Variants in POMT2 observed in about 807,000 individuals in gnomAD.
The protein encoded by POMT2 is protein O-mannosyl-transferase 2.
Under a neutral mutation model 100.0 loss-of-function variants are expected in POMT2, and 75 were observed. The ratio of observed to expected loss-of-function variants is 0.75; its 90% CI spans 0.62 to 0.91. The LOEUF is 0.91. POMT2 is among the 40% of genes least tolerant of loss of function. The pLI is 0.00. For missense variants in POMT2, 940 were observed against 955.1 expected, an observed-to-expected ratio of 0.98 and a Z score of 0.21; for synonymous variants, 378 against 374.1, an observed-to-expected ratio of 1.01 and a Z score of -0.12.
At chr14:77,299,239 G>A (rs1459947321) in intron 7 of POMT2, among the ~76,000 whole-genome samples, 4 of 152,172 alleles carry the variant, frequency 2.6e-5, no homozygotes, top group East Asian at 1.9e-4. Flanking sequence ...TGGCTATAAC[G>A]AAAATAGCTT....
chr14:77,320,817 C>G lies in POMT2; in HGVS notation c.-136G>C. 1 of 1,381,034 alleles carries G rather than the reference C, an allele frequency of 7.2e-7. No homozygotes were observed. Among genetic ancestry groups the G allele is most frequent in the Non-Finnish European group, 9.3e-7 (1 of 1,074,680 alleles). The allele number at this position is 1,381,034 out of a possible 1,614,324, so 85.5% of individuals were successfully genotyped here. ...CCCTTCACTGCAGCGGAGCGCGGGG[C>G]CCCGGGCTCGGGGCGGGGCGGGCAG... On this transcript the variant is annotated 5_prime_UTR_variant, in exon 1 of 21. Coordinates refer to ENST00000261534, the MANE Select transcript of POMT2 (RefSeq NM_013382.7).
At chr14:77,295,660 T>C (rs1316729329) in intron 9 of POMT2, among the ~76,000 whole-genome samples, 4 of 146,866 alleles carry the variant, frequency 2.7e-5, no homozygotes, top group South Asian at 2.2e-4. Flanking sequence ...AAGAAGAGGA[T>C]ACTGAAGCAC....
At chr14:77,311,173 T>C (rs1319189559) in intron 2 of POMT2, among the ~76,000 whole-genome samples, 1 of 152,168 alleles carries the variant, frequency 6.6e-6, no homozygotes, top group African/African-American at 2.4e-5. Context: ...TGAATTCTAA[T>C]TGGTTGAATT....
intron 9 of POMT2, 120 bp from the exon 10 acceptor site, chr14:77,291,500 C>T: frequency 7.2e-7 from 1 of 1,386,830 alleles, no homozygotes; most frequent in Non-Finnish European, 9.9e-7. Flanking sequence ...ATTTCAGAAT[C>T]CCCAGCCACC....
Position 77,288,822 on chromosome 14 carries a change from TC to T in POMT2, c.1192del (p.Asp398ThrfsTer9). ...KKHNTNSDPL[D>X]PSFPVEFVRH... ...TACAAACTCCACTGGGAAGGAAGGG[TC>T]TAGGGGATCTGCCAAAAAGAAACAA... On this transcript the variant is annotated frameshift_variant, in exon 11 of 21. Transcript: ENST00000261534. LOFTEE classifies it high-confidence loss of function. The T allele has an allele frequency of 1.9e-6, 3 of 1,613,598 alleles. No homozygotes were observed. Among genetic ancestry groups the T allele is most frequent in the Non-Finnish European group, 2.5e-6 (3 of 1,179,862 alleles).
chr14:77,302,668 T>C (rs1169601579), intron 5 of POMT2, among the ~76,000 whole-genome samples, 167 bp downstream of exon 5: 4 of 151,108 alleles, frequency 2.6e-5, no homozygotes. Context: ...TCTATTTTTA[T>C]GATCTAAAAT....
At chr14:77,283,731 G>A in intron 15 of POMT2, 66 bp downstream of exon 15, 7 of 1,353,416 alleles carry the variant, frequency 5.2e-6, no homozygotes, top group Non-Finnish European at 7.4e-6. Flanking sequence ...GCATTGACTT[G>A]TGATCCAAAT....
intron 3 of POMT2, among the ~76,000 whole-genome samples, chr14:77,305,527 G>T (rs891046585): frequency 6.6e-6 from 1 of 152,230 alleles, no homozygotes; most frequent in African/African-American, 2.4e-5. Context: ...AAGAACTTGA[G>T]GGTAGGATAT....
intron 9 of POMT2, among the ~76,000 whole-genome samples, chr14:77,292,456 A>G (rs1276540565): frequency 6.6e-6 from 1 of 152,214 alleles, no homozygotes; most frequent in African/African-American, 2.4e-5. Context: ...AAGTTAAGTA[A>G]TTTGCTCAAG....
intron 10 of POMT2, among the ~76,000 whole-genome samples, 163 bp from the exon 11 acceptor site, chr14:77,288,994 T>C (rs1388138321): frequency 6.6e-6 from 1 of 151,742 alleles, no homozygotes; most frequent in Admixed American, 6.6e-5. Context: ...CTTCAGGGTA[T>C]TAGAGAAGGG....
At chr14:77,313,500 CAAT>C (rs1416429073) in intron 1 of POMT2, among the ~76,000 whole-genome samples, 4 of 152,192 alleles carry the variant, frequency 2.6e-5, no homozygotes, top group African/African-American at 2.4e-5. Flanking sequence ...AAAATGAAGA[CAAT>C]AATATTATCT....
In POMT2 at chr14:77,277,487, A is replaced by T. The variant is rs1242617887; in HGVS notation, c.2148-6T>A. On this transcript the variant is annotated splice_region_variant and splice_polypyrimidine_tract_variant and intron_variant, in intron 20 of 20. Coordinates refer to ENST00000261534, the MANE Select transcript of POMT2 (RefSeq NM_013382.7). ...GAGGGTGGAAGAGGTAGAAGCTGTG[A>T]GAGAGAACCAGTAGGAGGCAGTTGG... 6 of 1,602,410 alleles carry T rather than the reference A, an allele frequency of 3.7e-6. No individual in the cohort carries two copies. The Admixed American group carries it at 1.0e-4, about 27-fold the overall frequency.
chr14:77,311,857 C>A, intron 2 of POMT2, 92 bp downstream of exon 2: 2 of 1,522,708 alleles, frequency 1.3e-6, no homozygotes, highest in South Asian at 2.5e-5. Flanking sequence ...CAAATTCTTT[C>A]TAGAAGCCCC....
intron 8 of POMT2, 51 bp from the exon 9 acceptor site, chr14:77,296,324 T>C: frequency 7.6e-7 from 1 of 1,317,402 alleles, no homozygotes; most frequent in South Asian, 1.3e-5. Flanking sequence ...TGCCAGAGGC[T>C]GTCCGTGCCT....
intron 9 of POMT2, among the ~76,000 whole-genome samples, chr14:77,293,928 T>A (rs4903568): frequency 0.51 from 78,252 of 152,072 alleles, 20,485 homozygotes; most frequent in Non-Finnish European, 0.55. Context: ...TATCAACACA[T>A]GAGAACACAG....
At chr14:77,284,617 G>A (rs1890351662) in intron 14 of POMT2, among the ~76,000 whole-genome samples, 1 of 152,150 alleles carries the variant, frequency 6.6e-6, no homozygotes, top group Admixed American at 6.5e-5. Flanking sequence ...TCTACACTGA[G>A]GCATAAAGGG....
Position 77,320,768 on chromosome 14 carries a change from C to T in POMT2, c.-87G>A. ...GCCAAGGAGTCACAAGAGGGCAGCT[C>T]GGGGTACCCCGGGAAATGCAACGCC... On this transcript the variant is annotated 5_prime_UTR_variant, in exon 1 of 21. Coordinates refer to ENST00000261534, the MANE Select transcript of POMT2 (RefSeq NM_013382.7). The T allele has an allele frequency of 1.3e-6, 2 of 1,507,236 alleles. No homozygotes were observed. Among genetic ancestry groups the T allele is most frequent in the Non-Finnish European group, 1.8e-6 (2 of 1,138,524 alleles). The allele number at this position is 1,507,236 out of a possible 1,614,324, so 93.4% of individuals were successfully genotyped here.
chr14:77,297,618 A>G (rs184831595), intron 8 of POMT2, among the ~76,000 whole-genome samples: 29 of 152,234 alleles, frequency 1.9e-4, no homozygotes, highest in South Asian at 1.9e-3. Flanking sequence ...TATTTTAGGC[A>G]CTGTGCAAAG....
Position 77,320,701 on chromosome 14 carries a change from G to A in POMT2, c.-20C>T. 2 of 1,590,442 alleles carry A rather than the reference G, an allele frequency of 1.3e-6. No individual in the cohort carries two copies. The highest frequency in any genetic ancestry group is 1.7e-6 in the Non-Finnish European group (2 of 1,176,868). ...CGGCATCTTCCCCCTCCTCTGGGTC[G>A]CCCTCCGGCCCGGAGGCACACTTTG... On this transcript the variant is annotated 5_prime_UTR_variant, in exon 1 of 21. Coordinates refer to ENST00000261534, the MANE Select transcript of POMT2 (RefSeq NM_013382.7).
Sources: allele counts gnomAD v4.1 joint callset (sites outside exome capture counted in the v4.1 genomes callset), GRCh38; gene constraint gnomAD v4.1.1; transcripts MANE v1.5; gene names NCBI Gene and HGNC (gene_info 2026-07-23, HGNC 2026-07-21).